GPR158: variants seen among roughly 807,000 people sequenced by gnomAD.
The protein encoded by GPR158 is metabotropic glycine receptor.
A neutral mutation model predicts 78.2 loss-of-function variants in GPR158; 30 were observed. That is an observed-to-expected ratio of 0.38 (90% CI 0.29 to 0.52). The LOEUF is 0.52. GPR158 is among the 20% of genes least tolerant of loss of function. The pLI is 0.83. For missense variants in GPR158, 1,463 were observed against 1,523.5 expected (o/e 0.96, Z 0.66); for synonymous variants, 581 against 591.1 (o/e 0.98, Z 0.25).
intron 2 of GPR158, among the ~76,000 whole-genome samples, chr10:25,349,861 A>T (rs897265739): frequency 7.8e-6 from 1 of 127,930 alleles, no homozygotes; most frequent in Non-Finnish European, 1.5e-5. Flanking sequence ...TAGAGCTACC[A>T]CAGCATCCCA....
At chr10:25,509,898 G>T (rs990273580) in intron 5 of GPR158, among the ~76,000 whole-genome samples, 12 of 152,132 alleles carry the variant, frequency 7.9e-5, no homozygotes, top group African/African-American at 2.9e-4. Flanking sequence ...ATTTTTAGTT[G>T]AGACGGGGTT....
chr10:25,505,143 T>G (rs181821215), intron 5 of GPR158, among the ~76,000 whole-genome samples: 2 of 152,312 alleles, frequency 1.3e-5, no homozygotes, highest in Non-Finnish European at 1.5e-5. Context: ...GTATAAACAT[T>G]AGCTCTTATT....
At chr10:25,340,937 T>C (rs760453693) in intron 2 of GPR158, among the ~76,000 whole-genome samples, 3 of 151,968 alleles carry the variant, frequency 2.0e-5, no homozygotes, top group Non-Finnish European at 4.4e-5. Flanking sequence ...AATAGTATAA[T>C]GGGTGAAAAC....
chr10:25,535,607 C>T (rs192797465), intron 5 of GPR158, among the ~76,000 whole-genome samples: 1 of 152,260 alleles, frequency 6.6e-6, no homozygotes, highest in African/African-American at 2.4e-5. Context: ...GATGAATGAC[C>T]CACTGAAACT....
At chr10:25,375,616 A>G (rs1006162473) in intron 2 of GPR158, among the ~76,000 whole-genome samples, 1 of 151,570 alleles carries the variant, frequency 6.6e-6, no homozygotes, top group Non-Finnish European at 1.5e-5. Context: ...GCCTATCAAT[A>G]TCAAATAGCT....
intron 1 of GPR158, among the ~76,000 whole-genome samples, chr10:25,190,723 A>G (rs1852761554): frequency 6.6e-6 from 1 of 152,232 alleles, no homozygotes; most frequent in African/African-American, 2.4e-5. Context: ...AAGTCAGAAG[A>G]AAGCTTAAGA....
In GPR158 at chr10:25,495,596, C is replaced by CT. The variant is rs201667121; in HGVS notation, c.1404+28885dup. On this transcript the variant is annotated intron_variant, in intron 5 of 10. Coordinates refer to ENST00000376351, the MANE Select transcript of GPR158 (RefSeq NM_020752.3). ...TGTGAGCCACTGTGCCCAGGCCTGA[C>CT]TTTTTTTTAATGTTGTATGCTACCA... Among the ~76,000 whole-genome samples the CT allele has an allele frequency of 4.5e-3, 684 of 151,734 alleles. 11 individuals are homozygous for CT. Among genetic ancestry groups the CT allele is most frequent in the African/African-American group, 0.016 (656 of 41,360 alleles).
At chr10:25,322,053 A>G (rs1255026127) in intron 2 of GPR158, among the ~76,000 whole-genome samples, 5 of 152,188 alleles carry the variant, frequency 3.3e-5, no homozygotes, top group Admixed American at 6.5e-5. Context: ...TATTCAGACC[A>G]CGTTGTAGTT....
rs778079149 is a variant in GPR158, at chr10:25,176,334, CG to C, written c.902+18del. 1.3e-4 allele frequency: 207 copies of C among 1,549,074 alleles called. No individual in the cohort carries two copies. Among genetic ancestry groups the C allele is most frequent in the Admixed American group, 1.7e-4 (9 of 52,286 alleles). On this transcript the variant is annotated intron_variant, in intron 1 of 10. Coordinates refer to ENST00000376351, the MANE Select transcript of GPR158 (RefSeq NM_020752.3). The surrounding 1 kb of genome is among the most constrained non-coding windows in gnomAD (Gnocchi z 6.3). ...GTCCCGGAATTCAGGTAGGGAGGGC[CG>C]GGGGGCAGGGGGGAAGGCAAAAGCG...
chr10:25,344,686 C>T (rs1425435393), intron 2 of GPR158, among the ~76,000 whole-genome samples: 1 of 151,962 alleles, frequency 6.6e-6, no homozygotes, highest in African/African-American at 2.4e-5. Context: ...TCAAGTAATG[C>T]AGCTGTATTT....
rs1319567115 is a variant in GPR158 at position 25,229,074 on chromosome 10, G to A, written c.1008+7917G>A. 5.3e-5 allele frequency among the ~76,000 whole-genome samples: 8 copies of A among 151,128 alleles called. No homozygotes were observed. In the South Asian group the frequency reaches 6.3e-4, roughly 12 times the overall value. The stretch of plus-strand genomic sequence containing the variant: ...AAAGATGATTTGTATAAGCTAGCTC[G>A]CAGTTTGTAAGAGGAGGGTAGATTA... On this transcript the variant is annotated intron_variant, in intron 2 of 10. Transcript: ENST00000376351.
intron 8 of GPR158, among the ~76,000 whole-genome samples, chr10:25,592,300 T>C (rs576046317): frequency 6.6e-6 from 1 of 152,106 alleles, no homozygotes; most frequent in Non-Finnish European, 1.5e-5. Context: ...AAGAATTAAG[T>C]CTAGAAGGAT....
chr10:25,424,040 CTTG>C (rs1362810853), intron 4 of GPR158, among the ~76,000 whole-genome samples: 3 of 152,162 alleles, frequency 2.0e-5, no homozygotes, highest in East Asian at 1.9e-4. Context: ...CTCTCCAGCA[CTTG>C]TTGTTTCCTG....
intron 2 of GPR158, among the ~76,000 whole-genome samples, chr10:25,330,023 T>TTG (rs1855096183): frequency 6.6e-6 from 1 of 151,658 alleles, no homozygotes; most frequent in Admixed American, 6.6e-5. Context: ...TCTTTTTTTT[T>TTG]TTTGTTATAC....
At chr10:25,531,178 T>G (rs74124063) in intron 5 of GPR158, among the ~76,000 whole-genome samples, 2,869 of 152,312 alleles carry the variant, frequency 0.019, 90 homozygotes, top group African/African-American at 0.065. Context: ...ACAAATTTTT[T>G]ATAGAGAACG....
chr10:25,355,296 T>G (rs2130525225), intron 2 of GPR158, among the ~76,000 whole-genome samples: 1 of 152,204 alleles, frequency 6.6e-6, no homozygotes, highest in African/African-American at 2.4e-5. Context: ...CATGAACTAT[T>G]CTGCTGCTGA....
intron 2 of GPR158, among the ~76,000 whole-genome samples, chr10:25,338,457 ATATT>A (rs1423322326): frequency 6.6e-5 from 9 of 136,526 alleles, no homozygotes; most frequent in Non-Finnish European, 1.2e-4. Context: ...CGTAATATAT[ATATT>A]ACGTATATTA....
chr10:25,516,388 G>A (rs925575471), intron 5 of GPR158, among the ~76,000 whole-genome samples: 20 of 152,180 alleles, frequency 1.3e-4, no homozygotes, highest in African/African-American at 4.8e-4. Context: ...GATCCCATTT[G>A]TCAATTTTGG....
intron 4 of GPR158, among the ~76,000 whole-genome samples, chr10:25,432,956 T>A (rs1398273090): frequency 6.6e-6 from 1 of 152,234 alleles, no homozygotes; most frequent in Non-Finnish European, 1.5e-5. Context: ...GTGATCACAA[T>A]GAAACAGTAT....
Sources: gnomAD v4.1 joint callset for allele counts (sites outside exome capture counted in the v4.1 genomes callset) on GRCh38, gnomAD v4.1.1 for gene constraint, Gnocchi (gnomAD v3.1) non-coding constraint, MANE v1.5 for transcripts, NCBI Gene and HGNC (gene_info 2026-07-23, HGNC 2026-07-21) for gene names.